The following MOSMO variants were observed in gnomAD, a reference collection of about 807,000 sequenced individuals.
MOSMO encodes the protein modulator of smoothened, also known as modulator of smoothened protein.
In MOSMO, 5 loss-of-function variants were observed where a neutral mutation model predicts 18.4. The ratio of observed to expected loss-of-function variants is 0.27; its 90% CI spans 0.14 to 0.57. MOSMO has a LOEUF of 0.57. Among genes scored for constraint, MOSMO ranks in the 20% least tolerant of loss-of-function variants. The pLI, the probability that MOSMO is intolerant of heterozygous loss-of-function variation, is 0.92. For synonymous variants in MOSMO, 82 were observed against 82.3 expected, an observed-to-expected ratio of 1.00 and a Z score of 0.02; for missense variants, 138 against 211.8, an observed-to-expected ratio of 0.65 and a Z score of 2.16.
At chr16:22,011,312 A>G (rs1312614228) in intron 1 of MOSMO, among the ~76,000 whole-genome samples, 3 of 152,246 alleles carry the variant, frequency 2.0e-5, no homozygotes, top group African/African-American at 7.2e-5. Context: ...CTCATATACA[A>G]TAATGAATAA....
At chr16:22,045,224 A>G (rs552381819) in intron 1 of MOSMO, among the ~76,000 whole-genome samples, 1 of 151,632 alleles carries the variant, frequency 6.6e-6, no homozygotes, top group South Asian at 2.1e-4. Flanking sequence ...AGGTGAAAGG[A>G]GAGATTCAGT....
chr16:22,019,231 C>T (rs911884608), intron 1 of MOSMO, among the ~76,000 whole-genome samples: 6 of 152,160 alleles, frequency 3.9e-5, no homozygotes, highest in Admixed American at 2.0e-4. Flanking sequence ...TACTTTCTGG[C>T]CTTAGATCCT....
chr16:22,021,077 G>GGA (rs1218224483), intron 1 of MOSMO, among the ~76,000 whole-genome samples: 2 of 152,112 alleles, frequency 1.3e-5, no homozygotes, highest in African/African-American at 4.8e-5. Context: ...GGTAGGGGAT[G>GGA]GTGAGGAACT....
chr16:22,052,840 C>G (rs1900453334), intron 1 of MOSMO, among the ~76,000 whole-genome samples: 1 of 150,588 alleles, frequency 6.6e-6, no homozygotes, highest in Admixed American at 6.6e-5. Context: ...AAACTACAAG[C>G]AAGGAATTAA....
chr16:22,048,375 A>G (rs375589018), intron 1 of MOSMO, among the ~76,000 whole-genome samples: 1 of 152,220 alleles, frequency 6.6e-6, no homozygotes, highest in East Asian at 1.9e-4. Context: ...CTGCAACATC[A>G]ACATCAACCC....
At chr16:22,055,488 T>C (rs1314291846) in intron 1 of MOSMO, among the ~76,000 whole-genome samples, 2 of 152,222 alleles carry the variant, frequency 1.3e-5, no homozygotes, top group Non-Finnish European at 2.9e-5. Flanking sequence ...GGATTGCCAC[T>C]TCCTCCAGTA....
intron 1 of MOSMO, among the ~76,000 whole-genome samples, chr16:22,036,388 A>G (rs574057918): frequency 6.6e-6 from 1 of 152,318 alleles, no homozygotes; most frequent in East Asian, 1.9e-4. Flanking sequence ...AGCCTCCCAA[A>G]GTGCTGGGAT....
intron 2 of MOSMO, among the ~76,000 whole-genome samples, chr16:22,077,568 A>C (rs912410001): frequency 1.3e-5 from 2 of 152,148 alleles, no homozygotes; most frequent in African/African-American, 4.8e-5. Context: ...GCACAGAAAC[A>C]TATCTATTAT....
chr16:22,091,487 G>C (rs960152812), downstream of MOSMO, among the ~76,000 whole-genome samples: 2 of 152,148 alleles, frequency 1.3e-5, no homozygotes, highest in Non-Finnish European at 2.9e-5. Context: ...GGGCTCAAGC[G>C]ATCCTCCCAC....
At chr16:22,020,168 G>T (rs1430974429) in intron 1 of MOSMO, among the ~76,000 whole-genome samples, 1 of 148,034 alleles carries the variant, frequency 6.8e-6, no homozygotes, top group Non-Finnish European at 1.5e-5. Context: ...AGCCAAGATC[G>T]TGTCATTGCA....
At chr16:22,051,129 T>C (rs1174072754) in intron 1 of MOSMO, among the ~76,000 whole-genome samples, 2 of 152,284 alleles carry the variant, frequency 1.3e-5, no homozygotes, top group African/African-American at 4.8e-5. Context: ...GGCTCATACC[T>C]GCAATCCCGG....
chr16:22,066,428 C>G (rs1454143911), intron 1 of MOSMO, among the ~76,000 whole-genome samples: 1 of 152,100 alleles, frequency 6.6e-6, no homozygotes, highest in Non-Finnish European at 1.5e-5. Flanking sequence ...ACCTGAAGGG[C>G]CACACACATG....
chr16:22,075,585 C>A lies in MOSMO; in HGVS notation c.205C>A (p.Leu69Met). ...GCTTCCCCCGGAGTGGGTCACCACA[C>A]TGTTTTTTATCATCATGGGAATCAT... ...PRLPPEWVTT[L>M]FFIIMGIISL... The change falls in exon 2 of 3, where the codon CTG (leucine) becomes ATG (methionine). Residue 69 changes from leucine (L) to methionine (M), a missense_variant. Coordinates refer to ENST00000542527, the MANE Select transcript of MOSMO (RefSeq NM_001164579.2). 3 of 1,537,320 alleles carry A rather than the reference C, an allele frequency of 2.0e-6. No homozygotes were observed. The highest frequency in any genetic ancestry group is 2.6e-6 in the Non-Finnish European group (3 of 1,146,932).
chr16:22,008,356 G>C lies in MOSMO; in HGVS notation c.55G>C (p.Ala19Pro), dbSNP rs770601867. ...GCLFLAADIF[A>P]IASIANPDWI... ...TCTCTTTCTGGCCGCCGATATCTTC[G>C]CCATCGCCAGCATCGCCAACCCGGA... is the stretch of plus-strand genomic sequence containing the variant. The change falls in exon 1 of 3, where the codon GCC (alanine) becomes CCC (proline). Residue 19 changes from alanine (A) to proline (P), a missense_variant. By Grantham distance (27) the Ala-to-Pro change is conservative. Coordinates refer to ENST00000542527, the MANE Select transcript of MOSMO (RefSeq NM_001164579.2). The C allele has an allele frequency of 6.5e-7, 1 of 1,533,730 alleles. No individual in the cohort carries two copies. The highest frequency in any genetic ancestry group is 1.4e-5 in the African/African-American group (1 of 72,858).
chr16:22,092,438 T>C (rs1056275952), downstream of MOSMO: 3 of 540,654 alleles, frequency 5.5e-6, no homozygotes, highest in Admixed American at 6.5e-5. Flanking sequence ...ACTTCTTCCC[T>C]GGGGTGAGGA....
intron 1 of MOSMO, among the ~76,000 whole-genome samples, chr16:22,071,425 C>T (rs778934237): frequency 2.6e-5 from 4 of 152,262 alleles, no homozygotes; most frequent in Non-Finnish European, 5.9e-5. Flanking sequence ...TTCTGCCTTA[C>T]AGCCCCTGTG....
chr16:22,016,810 A>G (rs1375853600), intron 1 of MOSMO, among the ~76,000 whole-genome samples: 1 of 152,178 alleles, frequency 6.6e-6, no homozygotes, highest in Non-Finnish European at 1.5e-5. Context: ...AGCACTTCCA[A>G]TAGTTATGCA....
chr16:22,063,229 A>G (rs781415665), intron 1 of MOSMO, among the ~76,000 whole-genome samples: 2 of 152,238 alleles, frequency 1.3e-5, no homozygotes, highest in African/African-American at 4.8e-5. Flanking sequence ...TGAAGACAAC[A>G]CATACATGAC....
chr16:22,088,003 C>CA (rs1043835770), downstream of MOSMO, among the ~76,000 whole-genome samples: 5 of 151,622 alleles, frequency 3.3e-5, no homozygotes, highest in African/African-American at 9.7e-5. Flanking sequence ...ATCAGTTTAA[C>CA]AAAAGCAAGA....
Sources: gnomAD v4.1 joint callset for allele counts (sites outside exome capture counted in the v4.1 genomes callset) on GRCh38, gnomAD v4.1.1 for gene constraint, MANE v1.5 for transcripts, NCBI Gene and HGNC (gene_info 2026-07-23, HGNC 2026-07-21) for gene names.